Variants in IGF1 observed in about 807,000 individuals in gnomAD.
IGF1 encodes the protein insulin like growth factor 1, also known as insulin-like growth factor 1.
IGF1 carries 4 observed loss-of-function variants against 13.8 expected under a neutral mutation model. The ratio of observed to expected loss-of-function variants is 0.29; its 90% CI spans 0.14 to 0.66. The LOEUF (loss-of-function observed/expected upper bound fraction) is 0.66. Ranked by LOEUF, IGF1 falls within the 30% of genes least tolerant of loss-of-function variation. The pLI is 0.78. For missense variants in IGF1, 124 were observed against 188.5 expected, an observed-to-expected ratio of 0.66 and a Z score of 2.00; for synonymous variants, 76 against 72.6, an observed-to-expected ratio of 1.05 and a Z score of -0.23.
At chr12:102,441,915 C>CCTCTTCTTCTTCTTCTTCTT (rs1877798660) in intron 2 of IGF1, among the ~76,000 whole-genome samples, 1 of 122,140 alleles carries the variant, frequency 8.2e-6, no homozygotes, top group African/African-American at 3.1e-5. Context: ...TGCTTCTTCT[C>CCTCTTCTTCTTCTTCTTCTT]CTTCTTCTTC....
chr12:102,441,595 A>G (rs1429069350), intron 2 of IGF1, among the ~76,000 whole-genome samples: 2 of 152,196 alleles, frequency 1.3e-5, no homozygotes, highest in East Asian at 1.9e-4. Flanking sequence ...AAATCTTCAG[A>G]GCTCGTGGGC....
intron 3 of IGF1, among the ~76,000 whole-genome samples, chr12:102,402,844 A>G (rs1873802026): frequency 6.6e-6 from 1 of 152,208 alleles, no homozygotes; most frequent in Non-Finnish European, 1.5e-5. Context: ...ATCTGCTTCT[A>G]TCACAGATTC....
chr12:102,424,742 C>T (rs1333061906), intron 2 of IGF1, among the ~76,000 whole-genome samples: 1 of 152,106 alleles, frequency 6.6e-6, no homozygotes, highest in Non-Finnish European at 1.5e-5. Context: ...ATAAGGAAGA[C>T]TTGAGTCCTT....
intron 2 of IGF1, among the ~76,000 whole-genome samples, chr12:102,470,273 G>T (rs562261905): frequency 1.5e-3 from 229 of 152,260 alleles, no homozygotes; most frequent in Non-Finnish European, 1.8e-3. Flanking sequence ...GCAGAGCTGG[G>T]GTTCAAACCT....
chr12:102,449,849 C>T (rs1194225005), intron 2 of IGF1, among the ~76,000 whole-genome samples: 3 of 152,000 alleles, frequency 2.0e-5, no homozygotes, highest in East Asian at 3.9e-4. Context: ...CCTGGGCTTT[C>T]TAAGCCTTGT....
At chr12:102,435,890 C>G (rs1236774364) in intron 2 of IGF1, among the ~76,000 whole-genome samples, 1 of 152,162 alleles carries the variant, frequency 6.6e-6, no homozygotes, top group African/African-American at 2.4e-5. Flanking sequence ...CTTGCATTTT[C>G]CATAAGTTCT....
intron 2 of IGF1, among the ~76,000 whole-genome samples, chr12:102,443,091 G>T (rs1878012208): frequency 6.6e-6 from 1 of 151,874 alleles, no homozygotes; most frequent in Non-Finnish European, 1.5e-5. Flanking sequence ...GCACTCAAGT[G>T]GTAGAACGTA....
chr12:102,408,430 G>T (rs1000015163), intron 3 of IGF1, among the ~76,000 whole-genome samples: 4 of 152,222 alleles, frequency 2.6e-5, no homozygotes, highest in African/African-American at 7.2e-5. Context: ...ACTTTGGGAT[G>T]TGACTTCAAA....
intron 2 of IGF1, among the ~76,000 whole-genome samples, chr12:102,441,954 T>TCTTCTTCTTCTTCTTCTTCTTC (rs1565984959): frequency 7.1e-6 from 1 of 140,386 alleles, no homozygotes; most frequent in East Asian, 2.0e-4. Flanking sequence ...TTCTTCTTCT[T>TCTTCTTCTTCTTCTTCTTCTTC]CTTTTTTTTT....
At chr12:102,431,143 T>C (rs972936) in intron 2 of IGF1, among the ~76,000 whole-genome samples, 106,110 of 152,092 alleles carry the variant, frequency 0.7, 37,304 homozygotes, top group Admixed American at 0.76. Flanking sequence ...TCTGCATTTC[T>C]CTGAATGTCA....
At chr12:102,413,602 G>A (rs1874828212) in intron 3 of IGF1, among the ~76,000 whole-genome samples, 1 of 152,188 alleles carries the variant, frequency 6.6e-6, no homozygotes, top group Non-Finnish European at 1.5e-5. Flanking sequence ...CACTGGATTG[G>A]CAGCCCAAGA....
chr12:102,474,625 A>T (rs1272206405), intron 2 of IGF1, among the ~76,000 whole-genome samples: 2 of 152,232 alleles, frequency 1.3e-5, no homozygotes, highest in South Asian at 2.1e-4. Flanking sequence ...TATTCAAAGC[A>T]TAGTGGGTAA....
chr12:102,446,187 T>C (rs1878310259), intron 2 of IGF1, among the ~76,000 whole-genome samples: 1 of 152,198 alleles, frequency 6.6e-6, no homozygotes, highest in African/African-American at 2.4e-5. Context: ...AATTTTCTTT[T>C]TTTGTTGTGT....
chr12:102,448,212 T>G (rs1878531650), intron 2 of IGF1, among the ~76,000 whole-genome samples: 1 of 147,874 alleles, frequency 6.8e-6, no homozygotes, highest in Non-Finnish European at 1.5e-5. Flanking sequence ...GGACTATAAA[T>G]CATGCTGCTA....
chr12:102,432,090 TTC>T (rs1454187851), intron 2 of IGF1, among the ~76,000 whole-genome samples: 1 of 152,226 alleles, frequency 6.6e-6, no homozygotes, highest in Non-Finnish European at 1.5e-5. Context: ...TCAAAATTGT[TTC>T]TGTTTCTCAT....
intron 2 of IGF1, among the ~76,000 whole-genome samples, chr12:102,437,501 G>A (rs1458232147): frequency 6.6e-6 from 1 of 152,076 alleles, no homozygotes; most frequent in African/African-American, 2.4e-5. Flanking sequence ...TTGCTTTTGG[G>A]GTCTTGTCCA....
At chr12:102,477,646 C>T (rs547565797) in intron 1 of IGF1, among the ~76,000 whole-genome samples, 1 of 150,426 alleles carries the variant, frequency 6.6e-6, no homozygotes, top group East Asian at 2.0e-4. Flanking sequence ...TTCAAAAGAA[C>T]AAACCTGTGA....
chr12:102,417,712 C>A (rs1875270562), intron 3 of IGF1: 11 of 1,542,998 alleles, frequency 7.1e-6, no homozygotes, highest in Non-Finnish European at 9.5e-6. Context: ...CTAGCTCCAG[C>A]AGGCCTACTT....
At chr12:102,406,754 C>T (rs1251812889) in intron 3 of IGF1, among the ~76,000 whole-genome samples, 1 of 152,066 alleles carries the variant, frequency 6.6e-6, no homozygotes, top group Non-Finnish European at 1.5e-5. Context: ...GGTTCTTATC[C>T]AAGCTCCAAG....
Sources: allele counts gnomAD v4.1 joint callset (sites outside exome capture counted in the v4.1 genomes callset), GRCh38; gene constraint gnomAD v4.1.1; transcripts MANE v1.5; gene names NCBI Gene and HGNC (gene_info 2026-07-23, HGNC 2026-07-21).